Variants in INPP5K observed in about 807,000 individuals in gnomAD.
The protein encoded by INPP5K is inositol polyphosphate-5-phosphatase K, also known as inositol polyphosphate 5-phosphatase K.
A neutral mutation model predicts 53.5 loss-of-function variants in INPP5K; 35 were observed. That is an observed-to-expected ratio of 0.65 (90% CI 0.50 to 0.87). The LOEUF (loss-of-function observed/expected upper bound fraction) is 0.87, where lower values mean the gene tolerates loss of function less well. INPP5K is among the 40% of genes least tolerant of loss of function. The probability of loss-of-function intolerance (pLI) is 0.00; values close to 1 mark genes in which losing one functional copy is unlikely to be tolerated. For missense variants in INPP5K, 550 were observed against 586.2 expected (o/e 0.94, Z 0.64); for synonymous variants, 253 against 232.8 (o/e 1.09, Z -0.79).
intron 7 of INPP5K, among the ~76,000 whole-genome samples, chr17:1,501,943 G>A (rs2075026085): frequency 6.6e-6 from 1 of 151,910 alleles, no homozygotes; most frequent in East Asian, 1.9e-4. Flanking sequence ...GCTGAGGCAG[G>A]AGAATCGCTT....
At chr17:1,514,535 G>A (rs530925315) in intron 1 of INPP5K, among the ~76,000 whole-genome samples, 21 of 151,980 alleles carry the variant, frequency 1.4e-4, no homozygotes, top group African/African-American at 2.9e-4. Flanking sequence ...ACCCACACCC[G>A]GCAGCACTGG....
chr17:1,514,796 G>C (rs1314720822), intron 1 of INPP5K, among the ~76,000 whole-genome samples: 1 of 152,044 alleles, frequency 6.6e-6, no homozygotes, highest in African/African-American at 2.4e-5. Flanking sequence ...AGCACTACAA[G>C]GGCAGAGGAA....
At chr17:1,500,322 G>A (rs1188959780) in intron 7 of INPP5K, among the ~76,000 whole-genome samples, 1 of 152,070 alleles carries the variant, frequency 6.6e-6, no homozygotes, top group East Asian at 1.9e-4. Flanking sequence ...ACCAGGGAGA[G>A]GCCTTTGCCG....
rs1278240319 is a variant in INPP5K, at chr17:1,509,769, A to G, written c.292T>C (p.Leu98=). Residue 98 remains leucine, a synonymous_variant, in exon 4 of 12, where the codon TTA becomes CTA. Coordinates refer to ENST00000421807, the MANE Select transcript of INPP5K (RefSeq NM_016532.4). The part of the protein sequence containing the change: ...VSHVRMQGIL[L]LVFAKYQHLP... ...TGCTGATACTTGGCAAAGACCAGTAAGAGGATCCCCTGCATACGGACATGG... is the reference window on the plus strand; with the variant it reads ...TGCTGATACTTGGCAAAGACCAGTAGGAGGATCCCCTGCATACGGACATGG... 1.9e-6 allele frequency: 3 copies of G among 1,613,446 alleles called. No homozygotes were observed. The highest frequency in any genetic ancestry group is 2.2e-5 in the South Asian group (2 of 91,038).
At position 1,494,680 on chromosome 17, in the gene INPP5K, G is replaced by A. The variant is rs1479003876; in HGVS notation, c.*1143C>T. The A allele has an allele frequency of 1.3e-5, 2 of 152,362 alleles. No individual in the cohort carries two copies. The highest frequency in any genetic ancestry group is 1.9e-4 in the East Asian group (1 of 5,198). The allele number at this position is 152,362 out of a possible 1,614,324, so 9.4% of individuals were successfully genotyped here. A position where few individuals can be genotyped will look rare whatever the true frequency, so the allele number is the denominator to read the frequency against. Reference sequence around the variant, plus strand: ...GACAATTCTTCATACACAGGCTTGCGGGGGAGAGTATGCAACACAGAGCAA... The same window carrying A: ...GACAATTCTTCATACACAGGCTTGCAGGGGAGAGTATGCAACACAGAGCAA... On this transcript the variant is annotated 3_prime_UTR_variant, in exon 12 of 12. Transcript: ENST00000421807.
At chr17:1,515,201 G>A (rs1300643787) in intron 1 of INPP5K, among the ~76,000 whole-genome samples, 1 of 152,162 alleles carries the variant, frequency 6.6e-6, no homozygotes, top group South Asian at 2.1e-4. Context: ...GAGCCACCGC[G>A]CCCGGCCAAG....
rs1158562620 is a variant in INPP5K, at chr17:1,510,240, G to A, written c.262-441C>T. On this transcript the variant is annotated intron_variant, in intron 3 of 11. Coordinates refer to ENST00000421807, the MANE Select transcript of INPP5K (RefSeq NM_016532.4). ...TTCAGCATTCTTTTTTTTTTGAGAC[G>A]GAGTCTCGCTCTGTCGCCCAGGCTG... Among the ~76,000 whole-genome samples the A allele has an allele frequency of 3.3e-5, 5 of 151,740 alleles. 1 individual carries two copies. Among genetic ancestry groups the A allele is most frequent in the Admixed American group, 6.6e-5 (1 of 15,236 alleles).
At chr17:1,500,577 G>C (rs1234369467) in intron 7 of INPP5K, among the ~76,000 whole-genome samples, 3 of 152,174 alleles carry the variant, frequency 2.0e-5, no homozygotes, top group African/African-American at 7.2e-5. Flanking sequence ...GCATTAGCCA[G>C]GATGGTCTTG....
intron 7 of INPP5K, among the ~76,000 whole-genome samples, chr17:1,501,796 A>C (rs1598370015): frequency 6.6e-6 from 1 of 151,784 alleles, no homozygotes; most frequent in African/African-American, 2.4e-5. Flanking sequence ...AGGCGGGCGG[A>C]TCACAAGGTC....
chr17:1,501,559 C>CT (rs1462229908), intron 7 of INPP5K, among the ~76,000 whole-genome samples: 4 of 152,232 alleles, frequency 2.6e-5, no homozygotes, highest in South Asian at 2.1e-4. Flanking sequence ...GAAGCGGTAA[C>CT]TTTGACTAAC....
In INPP5K at chr17:1,496,781, G is replaced by A. The variant is rs771009511; in HGVS notation, c.986C>T (p.Pro329Leu). 10 of 1,613,994 alleles carry A rather than the reference G, an allele frequency of 6.2e-6. No individual in the cohort carries two copies. The South Asian group carries it at 6.6e-5, about 11-fold the overall frequency. ...DLELKPLVSAPLIVLMPEDLW... is the reference protein window; with the variant it reads ...DLELKPLVSALLIVLMPEDLW... The stretch of plus-strand genomic sequence containing the variant: ...GTCCTCGGGCATCAGGACGATCAGC[G>A]GAGCAGACACCAATGGCTTCAGCTA... The change falls in exon 9 of 12, where the codon CCG becomes CTG. Residue 329 changes from proline (P) to leucine (L), a missense_variant. Coordinates refer to ENST00000421807, the MANE Select transcript of INPP5K (RefSeq NM_016532.4).
At chr17:1,509,821 G>A (rs1468432339) in intron 3 of INPP5K, 22 bp from the exon 4 acceptor site, 3 of 1,512,294 alleles carry the variant, frequency 2.0e-6, no homozygotes, top group Non-Finnish European at 2.8e-6. Flanking sequence ...AGAGGGCAAA[G>A]GTCGCTCATT....
At chr17:1,500,399 C>T (rs1206432829) in intron 7 of INPP5K, among the ~76,000 whole-genome samples, 2 of 150,424 alleles carry the variant, frequency 1.3e-5, no homozygotes, top group Admixed American at 1.3e-4. Flanking sequence ...GAGTCTCGCT[C>T]TGTTGCCCAG....
chr17:1,500,579 A>T (rs1020257708), intron 7 of INPP5K, among the ~76,000 whole-genome samples: 1 of 152,066 alleles, frequency 6.6e-6, no homozygotes, highest in Non-Finnish European at 1.5e-5. Context: ...ATTAGCCAGG[A>T]TGGTCTTGAT....
intron 9 of INPP5K, 117 bp from the exon 10 acceptor site, chr17:1,496,519 G>A (rs1293546208): frequency 1.4e-5 from 19 of 1,316,058 alleles, no homozygotes; most frequent in African/African-American, 5.8e-5. Flanking sequence ...CCTCCCCGCC[G>A]CCCTTCACTG....
intron 7 of INPP5K, among the ~76,000 whole-genome samples, chr17:1,502,175 C>T (rs976321529): frequency 6.6e-5 from 10 of 151,458 alleles, no homozygotes; most frequent in African/African-American, 2.4e-4. Context: ...TGGTGAAACC[C>T]CGTCTCTACT....
intron 8 of INPP5K, 53 bp from the exon 9 acceptor site, chr17:1,496,856 T>C: frequency 6.3e-7 from 1 of 1,581,694 alleles, no homozygotes; most frequent in South Asian, 1.1e-5. Context: ...TTCCCTCCTC[T>C]GAGGCCAAGT....
chr17:1,496,958 T>C (rs2074866252), intron 8 of INPP5K, among the ~76,000 whole-genome samples, 155 bp from the exon 9 acceptor site: 1 of 152,184 alleles, frequency 6.6e-6, no homozygotes, highest in African/African-American at 2.4e-5. Context: ...CAACGGACCT[T>C]GGCTGGCCAT....
In INPP5K at chr17:1,497,902, C is replaced by T. The variant is rs377475892; in HGVS notation, c.963+34G>A. 11 of 1,580,614 alleles carry T rather than the reference C, an allele frequency of 7.0e-6. No homozygotes were observed. In the African/African-American group the frequency reaches 1.3e-4, roughly 19 times the overall value. ...TGGGGATGTGGCCAGCATAGCTATT[C>T]CTCTGGCAAGTATCAGGCAGCCCAG... is the stretch of plus-strand genomic sequence containing the variant. On this transcript the variant is annotated intron_variant, in intron 8 of 11. Transcript: ENST00000421807.
Sources: allele counts gnomAD v4.1 joint callset (sites outside exome capture counted in the v4.1 genomes callset), GRCh38; gene constraint gnomAD v4.1.1; transcripts MANE v1.5; gene names NCBI Gene and HGNC (gene_info 2026-07-23, HGNC 2026-07-21).